NEK11: variants seen among roughly 807,000 people sequenced by gnomAD.
NEK11 encodes serine/threonine-protein kinase Nek11.
NEK11 carries 72 observed loss-of-function variants against 80.7 expected under a neutral mutation model. The ratio of observed to expected loss-of-function variants is 0.89; its 90% CI spans 0.74 to 1.08. The LOEUF is 1.08. Ranked by LOEUF, NEK11 falls within the 50% of genes least tolerant of loss-of-function variation. The probability of loss-of-function intolerance (pLI) is 0.00; values close to 1 mark genes in which losing one functional copy is unlikely to be tolerated. For synonymous variants in NEK11, 251 were observed against 260.7 expected (o/e 0.96, Z 0.36); for missense variants, 764 against 763.6 (o/e 1.00, Z -0.01).
At chr3:131,164,219 G>A (rs1269997028) in intron 11 of NEK11, among the ~76,000 whole-genome samples, 1 of 152,182 alleles carries the variant, frequency 6.6e-6, no homozygotes, top group Non-Finnish European at 1.5e-5. Flanking sequence ...CCAGCTCTGG[G>A]TTTGAAGGGG....
intron 17 of NEK11, among the ~76,000 whole-genome samples, chr3:131,297,220 C>T (rs1331200872): frequency 5.9e-5 from 9 of 151,456 alleles, no homozygotes; most frequent in Admixed American, 3.9e-4. Context: ...AGTTCTAGAT[C>T]CCTGAGGAAT....
At chr3:131,313,063 G>T (rs1414365912) in intron 17 of NEK11, among the ~76,000 whole-genome samples, 1 of 152,086 alleles carries the variant, frequency 6.6e-6, no homozygotes, top group Admixed American at 6.6e-5. Context: ...ACTTACAAGT[G>T]AGAACATGTG....
At chr3:131,214,057 C>T (rs915981251) in intron 14 of NEK11, among the ~76,000 whole-genome samples, 4 of 152,208 alleles carry the variant, frequency 2.6e-5, no homozygotes, top group African/African-American at 9.6e-5. Context: ...AGGGAGCCTT[C>T]AACCAGACAC....
chr3:131,121,630 C>T (rs1428191933), intron 5 of NEK11, among the ~76,000 whole-genome samples: 1 of 152,184 alleles, frequency 6.6e-6, no homozygotes, highest in Non-Finnish European at 1.5e-5. Flanking sequence ...CCGGTGGGCT[C>T]CACCCAGTTT....
chr3:131,337,249 A>C (rs1386455785), intron 17 of NEK11, among the ~76,000 whole-genome samples: 1 of 151,338 alleles, frequency 6.6e-6, no homozygotes, highest in Non-Finnish European at 1.5e-5. Flanking sequence ...GATTAAGAAA[A>C]TGTGGCACAT....
chr3:131,165,082 C>T (rs2092074107), intron 11 of NEK11, among the ~76,000 whole-genome samples: 1 of 152,164 alleles, frequency 6.6e-6, no homozygotes, highest in Non-Finnish European at 1.5e-5. Context: ...ATCCTGAAAG[C>T]AGTTTTTGTG....
At chr3:131,254,849 G>A (rs1195018898) in intron 16 of NEK11, among the ~76,000 whole-genome samples, 8 of 151,848 alleles carry the variant, frequency 5.3e-5, no homozygotes, top group East Asian at 1.9e-4. Flanking sequence ...GTGAAACCCC[G>A]TCTCTACTAA....
At chr3:131,040,911 G>C (rs2066380612) in intron 3 of NEK11, among the ~76,000 whole-genome samples, 1 of 152,260 alleles carries the variant, frequency 6.6e-6, no homozygotes. Flanking sequence ...TTCCCTATTA[G>C]TTTGAATTTT....
At position 131,265,199 on chromosome 3, in the gene NEK11, C is replaced by A. The variant is rs549478636; in HGVS notation, c.1622-8279C>A. Among the ~76,000 whole-genome samples the A allele has an allele frequency of 7.2e-5, 11 of 152,148 alleles. No individual in the cohort carries two copies. The South Asian group carries it at 2.3e-3, about 32-fold the overall frequency. On this transcript the variant is annotated intron_variant, in intron 16 of 17. Coordinates refer to ENST00000383366, the MANE Select transcript of NEK11 (RefSeq NM_024800.5). The stretch of plus-strand genomic sequence containing the variant: ...ACTTCCTCTTTTCCTATTTGAATAC[C>A]CTGTATTTCTTTCTCTTGCCTGATT...
chr3:131,297,205 T>C (rs1447631831), intron 17 of NEK11, among the ~76,000 whole-genome samples: 1 of 151,314 alleles, frequency 6.6e-6, no homozygotes, highest in Non-Finnish European at 1.5e-5. Context: ...TCAAATGGTA[T>C]TTCTAGTTCT....
chr3:131,127,360 G>C (rs1482113643), intron 5 of NEK11, among the ~76,000 whole-genome samples: 1 of 151,840 alleles, frequency 6.6e-6, no homozygotes, highest in Non-Finnish European at 1.5e-5. Flanking sequence ...CTTCTGCTGT[G>C]TCTAATTTGA....
At chr3:131,094,638 A>G (rs1295101909) in intron 4 of NEK11, among the ~76,000 whole-genome samples, 1 of 152,136 alleles carries the variant, frequency 6.6e-6, no homozygotes, top group African/African-American at 2.4e-5. Flanking sequence ...TTTCATGATA[A>G]CCTTTTAGCT....
intron 5 of NEK11, among the ~76,000 whole-genome samples, chr3:131,121,754 A>C (rs779322853): frequency 2.6e-5 from 4 of 152,152 alleles, no homozygotes; most frequent in Non-Finnish European, 4.4e-5. Flanking sequence ...TAGCAGTGAG[A>C]GAGGCTCCGT....
intron 16 of NEK11, among the ~76,000 whole-genome samples, chr3:131,266,547 G>T (rs2096062235): frequency 1.3e-5 from 2 of 152,174 alleles, no homozygotes; most frequent in African/African-American, 4.8e-5. Context: ...AGTTCTAATT[G>T]ATTGCACTGT....
intron 4 of NEK11, among the ~76,000 whole-genome samples, chr3:131,108,119 G>A (rs1449957445): frequency 1.3e-5 from 2 of 152,142 alleles, no homozygotes; most frequent in Non-Finnish European, 1.5e-5. Context: ...GAGCTAGGCT[G>A]CTAGTGAATG....
intron 7 of NEK11, among the ~76,000 whole-genome samples, chr3:131,144,277 G>C (rs1432726907): frequency 1.3e-5 from 2 of 151,808 alleles, no homozygotes; most frequent in East Asian, 3.9e-4. Context: ...ACTCCCTCAG[G>C]GATTTATTTG....
At chr3:131,039,894 G>A (rs2066209694) in intron 3 of NEK11, among the ~76,000 whole-genome samples, 2 of 152,166 alleles carry the variant, frequency 1.3e-5, no homozygotes, top group Admixed American at 1.3e-4. Context: ...TGAGAGACAA[G>A]CAACCCTTAT....
chr3:131,277,120 C>T (rs1293555928), intron 17 of NEK11, among the ~76,000 whole-genome samples: 1 of 152,110 alleles, frequency 6.6e-6, no homozygotes, highest in East Asian at 1.9e-4. Context: ...AACTTTTAAA[C>T]ATTTAATTAT....
chr3:131,294,080 C>T (rs968272502), intron 17 of NEK11, among the ~76,000 whole-genome samples: 1 of 151,930 alleles, frequency 6.6e-6, no homozygotes, highest in African/African-American at 2.4e-5. Context: ...CCATTGATTT[C>T]CGCTCTAATT....
Sources: gnomAD v4.1 joint callset for allele counts (sites outside exome capture counted in the v4.1 genomes callset) on GRCh38, gnomAD v4.1.1 for gene constraint, MANE v1.5 for transcripts, NCBI Gene and HGNC (gene_info 2026-07-23, HGNC 2026-07-21) for gene names.